NCOA2: variants seen among roughly 807,000 people sequenced by gnomAD.
NCOA2 encodes the protein nuclear receptor coactivator 2.
NCOA2 carries 21 observed loss-of-function variants against 145.1 expected under a neutral mutation model. The ratio of observed to expected loss-of-function variants is 0.14; its 90% CI spans 0.10 to 0.21. The LOEUF is 0.21. Ranked by LOEUF, NCOA2 falls within the 10% of genes least tolerant of loss-of-function variation. NCOA2 has a pLI of 1.00. For missense variants in NCOA2, 1,472 were observed against 1,837.6 expected (o/e 0.80, Z 3.64); for synonymous variants, 619 against 637.5 (o/e 0.97, Z 0.44).
At chr8:70,142,619 A>G (rs1169860690) in intron 13 of NCOA2, among the ~76,000 whole-genome samples, 1 of 152,142 alleles carries the variant, frequency 6.6e-6, no homozygotes, top group Non-Finnish European at 1.5e-5. Flanking sequence ...GGATCACTTG[A>G]GCCTGGGAGG....
At chr8:70,402,454 A>G (rs999414284) in intron 1 of NCOA2, 6 of 152,184 alleles carry the variant, frequency 3.9e-5, no homozygotes, top group Middle Eastern at 3.4e-3. Flanking sequence ...GGAAACCACT[A>G]GAGGGAGGGG....
intron 1 of NCOA2, among the ~76,000 whole-genome samples, chr8:70,309,380 A>C (rs1828131181): frequency 6.6e-6 from 1 of 152,052 alleles, no homozygotes; most frequent in South Asian, 2.1e-4. Context: ...AAAAAAAAAA[A>C]AGAAACATCT....
At chr8:70,368,221 G>A (rs183779697) in intron 1 of NCOA2, among the ~76,000 whole-genome samples, 452 of 152,334 alleles carry the variant, frequency 3.0e-3, no homozygotes, top group Admixed American at 6.3e-3. Context: ...TATATAGGAC[G>A]TGGACAGAAA....
At position 70,141,222 on chromosome 8, in the gene NCOA2, C is replaced by A. The variant is rs1173754979; in HGVS notation, c.2990G>T (p.Gly997Val). ...CTGAGACTGAAGCGTCTGTCTTTGG[C>A]CAGGCTGGCTGCTGGGCCTCATGGG... ...SIPMRPSSQP[G>V]QRQTLQSQVM... Residue 997 changes from glycine (G) to valine (V), a missense_variant, in exon 14 of 23, where the codon GGC (glycine) becomes GTC (valine). Gly to Val is a moderately radical substitution (Grantham distance 109). Transcript: ENST00000452400. 1 of 1,613,832 alleles carries A rather than the reference C, an allele frequency of 6.2e-7. No individual in the cohort carries two copies. The highest frequency in any genetic ancestry group is 8.5e-7 in the Non-Finnish European group (1 of 1,179,816).
At position 70,345,796 on chromosome 8, in the gene NCOA2, A is replaced by G. The variant is rs180711711; in HGVS notation, c.-76-48996T>C. On this transcript the variant is annotated intron_variant, in intron 1 of 22. Transcript: ENST00000452400. Reference sequence around the variant, plus strand: ...AAATCAAATAATGCCCAAAGGATACAGGAAAACATGATTTAAGTTCAGGCG... The same window carrying G: ...AAATCAAATAATGCCCAAAGGATACGGGAAAACATGATTTAAGTTCAGGCG... 9.8e-5 allele frequency among the ~76,000 whole-genome samples: 15 copies of G among 152,288 alleles called. No homozygotes were observed. The East Asian group carries it at 2.9e-3, about 29-fold the overall frequency.
chr8:70,234,249 C>T (rs1215737956), intron 2 of NCOA2, among the ~76,000 whole-genome samples: 1 of 152,128 alleles, frequency 6.6e-6, no homozygotes, highest in African/African-American at 2.4e-5. Context: ...ATTTTGTTTA[C>T]CCATTACTCA....
intron 2 of NCOA2, among the ~76,000 whole-genome samples, chr8:70,223,184 G>C (rs1035249819): frequency 1.3e-5 from 2 of 152,178 alleles, no homozygotes; most frequent in South Asian, 4.1e-4. Flanking sequence ...CTGGAAAGAA[G>C]TCATCAAATC....
At chr8:70,271,941 C>A (rs1048284379) in intron 2 of NCOA2, among the ~76,000 whole-genome samples, 3 of 152,024 alleles carry the variant, frequency 2.0e-5, no homozygotes, top group Admixed American at 2.0e-4. Context: ...ATAGGAAAAA[C>A]TGTACAGATA....
intron 2 of NCOA2, among the ~76,000 whole-genome samples, chr8:70,282,325 C>T (rs1254659499): frequency 6.6e-6 from 1 of 152,174 alleles, no homozygotes; most frequent in Non-Finnish European, 1.5e-5. Flanking sequence ...AACAAAAAGA[C>T]TGTGCAGGCA....
At position 70,126,895 on chromosome 8, in the gene NCOA2, A is replaced by T; in HGVS notation, c.3834T>A (p.Ala1278=). 6.2e-7 allele frequency: 1 copy of T among 1,614,002 alleles called. No individual in the cohort carries two copies. Among genetic ancestry groups the T allele is most frequent in the Admixed American group, 1.7e-5 (1 of 60,016 alleles). Reference sequence around the variant, plus strand: ...TCATAGTTGCTGGCATACCACTAGGAGCCACCATGCTTGGTGTCATATTCA... The same window carrying T: ...TCATAGTTGCTGGCATACCACTAGGTGCCACCATGCTTGGTGTCATATTCA... The part of the protein sequence containing the change: ...QGLNMTPSMV[A]PSGMPATMSN... Residue 1278 remains alanine (A), a synonymous_variant, in exon 19 of 23, where the codon GCT becomes GCA. Coordinates refer to ENST00000452400, the MANE Select transcript of NCOA2 (RefSeq NM_006540.4).
At chr8:70,219,333 A>C (rs1819929527) in intron 2 of NCOA2, among the ~76,000 whole-genome samples, 1 of 152,206 alleles carries the variant, frequency 6.6e-6, no homozygotes, top group South Asian at 2.1e-4. Flanking sequence ...TGGTATCTTA[A>C]ACACATTTCC....
intron 1 of NCOA2, among the ~76,000 whole-genome samples, chr8:70,364,456 T>C (rs1047482861): frequency 1.3e-5 from 2 of 152,116 alleles, no homozygotes; most frequent in African/African-American, 4.8e-5. Context: ...GAAGACAAAA[T>C]GTGGCAAACT....
intron 1 of NCOA2, among the ~76,000 whole-genome samples, chr8:70,358,075 CA>C (rs957331081): frequency 1.3e-5 from 2 of 151,196 alleles, no homozygotes; most frequent in Non-Finnish European, 3.0e-5. Context: ...AGAACAACAA[CA>C]AAAAAAACCC....
At chr8:70,148,540 G>A in intron 11 of NCOA2, 57 bp from the exon 12 acceptor site, 8 of 1,530,130 alleles carry the variant, frequency 5.2e-6, no homozygotes, top group Admixed American at 1.8e-5. Flanking sequence ...GACACCACAA[G>A]CCCATTTGCA....
intron 1 of NCOA2, among the ~76,000 whole-genome samples, chr8:70,305,407 T>C (rs758049921): frequency 1.6e-4 from 24 of 152,012 alleles, no homozygotes; most frequent in Non-Finnish European, 1.0e-4. Flanking sequence ...TTCAATACAA[T>C]AAAGAGAACA....
chr8:70,332,721 A>G (rs2136317216), intron 1 of NCOA2, among the ~76,000 whole-genome samples: 1 of 152,290 alleles, frequency 6.6e-6, no homozygotes, highest in South Asian at 2.1e-4. Flanking sequence ...ACAAGTGACC[A>G]ACACTTGCTT....
chr8:70,312,594 G>C (rs1008210290), intron 1 of NCOA2, among the ~76,000 whole-genome samples: 3 of 151,664 alleles, frequency 2.0e-5, no homozygotes, highest in Non-Finnish European at 4.4e-5. Flanking sequence ...AAACACTTCT[G>C]TGTATTTTTA....
In NCOA2 at chr8:70,315,699, A is replaced by C. The variant is rs193256800; in HGVS notation, c.-76-18899T>G. Among the ~76,000 whole-genome samples the C allele has an allele frequency of 3.3e-5, 5 of 152,352 alleles. No individual in the cohort carries two copies. In the East Asian group the frequency reaches 9.6e-4, roughly 29 times the overall value. On this transcript the variant is annotated intron_variant, in intron 1 of 22. Coordinates refer to ENST00000452400, the MANE Select transcript of NCOA2 (RefSeq NM_006540.4). ...CACAAACCAAAACCACAAGAAAAATAATCTAAAACCAGACTGCAGGAGGCA... is the reference window on the plus strand; with the variant it reads ...CACAAACCAAAACCACAAGAAAAATCATCTAAAACCAGACTGCAGGAGGCA...
At chr8:70,241,186 G>A (rs558053694) in intron 2 of NCOA2, among the ~76,000 whole-genome samples, 1 of 152,118 alleles carries the variant, frequency 6.6e-6, no homozygotes, top group Non-Finnish European at 1.5e-5. Flanking sequence ...AGTGAGTAAA[G>A]GACCTTGGAA....
Sources: allele counts gnomAD v4.1 joint callset (sites outside exome capture counted in the v4.1 genomes callset), GRCh38; gene constraint gnomAD v4.1.1; transcripts MANE v1.5; gene names NCBI Gene and HGNC (gene_info 2026-07-23, HGNC 2026-07-21).